Variants in CLASP2 observed in about 807,000 individuals in gnomAD.
CLASP2 encodes the protein CLIP-associating protein 2.
Under a neutral mutation model 194.4 loss-of-function variants are expected in CLASP2, and 47 were observed. The ratio of observed to expected loss-of-function variants is 0.24; its 90% CI spans 0.19 to 0.31. The LOEUF (loss-of-function observed/expected upper bound fraction) is 0.31, where lower values mean the gene tolerates loss of function less well. Ranked by LOEUF, CLASP2 falls within the 10% of genes least tolerant of loss-of-function variation. CLASP2 has a pLI of 1.00. For missense variants in CLASP2, 1,445 were observed against 1,823.6 expected (o/e 0.79, Z 3.78); for synonymous variants, 619 against 633.5 (o/e 0.98, Z 0.34).
chr3:33,556,422 A>C (rs1175034839), intron 29 of CLASP2, among the ~76,000 whole-genome samples: 2 of 151,742 alleles, frequency 1.3e-5, no homozygotes, highest in African/African-American at 4.8e-5. Context: ...AGAGTTGAAA[A>C]GTGATTTTCT....
intron 9 of CLASP2, among the ~76,000 whole-genome samples, chr3:33,630,370 T>C (rs950557398): frequency 1.3e-5 from 2 of 152,132 alleles, no homozygotes; most frequent in South Asian, 4.1e-4. Flanking sequence ...TAGGCAGCAC[T>C]GGAATGTTGT....
chr3:33,715,227 A>G (rs532182885), intron 1 of CLASP2, among the ~76,000 whole-genome samples: 1 of 152,374 alleles, frequency 6.6e-6, no homozygotes, highest in African/African-American at 2.4e-5. Context: ...TTACAAGCAC[A>G]TGCTATCTGA....
chr3:33,515,832 G>A (rs943907435), intron 36 of CLASP2, among the ~76,000 whole-genome samples, 191 bp downstream of exon 36: 3 of 152,034 alleles, frequency 2.0e-5, no homozygotes, highest in Admixed American at 1.3e-4. Context: ...GCCTGTTTTA[G>A]GTGAAAGGTC....
At chr3:33,696,263 T>C (rs1244631317) in intron 2 of CLASP2, among the ~76,000 whole-genome samples, 1 of 150,414 alleles carries the variant, frequency 6.6e-6, no homozygotes, top group Non-Finnish European at 1.5e-5. Context: ...TCCCCATAAA[T>C]AGTCTGAAAC....
chr3:33,665,011 G>C (rs977629398), intron 6 of CLASP2, among the ~76,000 whole-genome samples: 8 of 151,894 alleles, frequency 5.3e-5, no homozygotes, highest in Non-Finnish European at 1.2e-4. Context: ...TGAGGCACAA[G>C]AATCGCTTGA....
chr3:33,687,188 A>C, intron 4 of CLASP2, 53 bp from the exon 5 acceptor site: 1 of 1,116,678 alleles, frequency 9.0e-7, no homozygotes, highest in South Asian at 1.4e-5. Context: ...ATAAACAGTA[A>C]ACAAAATATC....
rs114702141 is a variant in CLASP2, at chr3:33,648,142, G to A, written c.716-3239C>T. ...AAAGAAAAATAAAACAAGTGGATACGATAGAAAATAAAATAGTAAATATAA... is the reference window on the plus strand; with the variant it reads ...AAAGAAAAATAAAACAAGTGGATACAATAGAAAATAAAATAGTAAATATAA... On this transcript the variant is annotated intron_variant, in intron 7 of 38. Coordinates refer to ENST00000682230, the MANE Select transcript of CLASP2 (RefSeq NM_001365631.1). 6.5e-3 allele frequency among the ~76,000 whole-genome samples: 990 copies of A among 152,068 alleles called. 8 individuals are homozygous for A. Among genetic ancestry groups the A allele is most frequent in the African/African-American group, 0.022 (897 of 41,518 alleles).
intron 34 of CLASP2, among the ~76,000 whole-genome samples, chr3:33,528,821 AGAAAGAAAGAGAGG>A (rs2055351504): frequency 6.6e-6 from 1 of 152,026 alleles, no homozygotes; most frequent in Admixed American, 6.6e-5. Context: ...AAAGAAAGAG[AGAAAGAAAGAGAGG>A]TCGATAGACA....
chr3:33,570,861 A>G (rs1388709435), intron 25 of CLASP2, 71 bp from the exon 26 acceptor site: 6 of 1,182,760 alleles, frequency 5.1e-6, no homozygotes, highest in Non-Finnish European at 6.8e-6. Context: ...AACTTTACAT[A>G]TAATTTTCTT....
rs2046054829 is a variant in CLASP2 at position 33,498,368 on chromosome 3, T to C, written c.*263A>G. On this transcript the variant is annotated 3_prime_UTR_variant, in exon 39 of 39. Coordinates refer to ENST00000682230, the MANE Select transcript of CLASP2 (RefSeq NM_001365631.1). ...GACAAAGTACAAACATGTGAAATGA[T>C]GAATTAAATTAAAAATTACTTTGTG... is the stretch of plus-strand genomic sequence containing the variant. The C allele has an allele frequency of 1.6e-5, 5 of 313,444 alleles. No homozygotes were observed. In the East Asian group the frequency reaches 2.6e-4, roughly 16 times the overall value. 19.4% of individuals were successfully genotyped at this position (313,444 alleles called of 1,614,324 possible).
At chr3:33,630,556 C>T (rs779947446) in intron 9 of CLASP2, among the ~76,000 whole-genome samples, 15 of 108,796 alleles carry the variant, frequency 1.4e-4, no homozygotes, top group Admixed American at 2.0e-4. Context: ...CTTTAAAGAG[C>T]GTAAAAAAAA....
At chr3:33,697,729 C>T (rs1179448547) in intron 1 of CLASP2, among the ~76,000 whole-genome samples, 1 of 152,110 alleles carries the variant, frequency 6.6e-6, no homozygotes, top group Non-Finnish European at 1.5e-5. Context: ...CAAGAAAAAG[C>T]CCACTGGGTC....
intron 2 of CLASP2, among the ~76,000 whole-genome samples, chr3:33,694,186 G>A (rs1225940555): frequency 6.6e-6 from 1 of 152,112 alleles, no homozygotes; most frequent in East Asian, 1.9e-4. Flanking sequence ...TTAGAGTGAA[G>A]ACAAAGTACT....
Position 33,616,776 on chromosome 3 carries a change from C to T in CLASP2, c.1317+2827G>A, listed in dbSNP as rs775009743. The stretch of plus-strand genomic sequence containing the variant: ...TTTTTTTGGGACAGTCTTGCTGTGT[C>T]GCCCAGGCTGGAGTGCAGTGGCGTA... On this transcript the variant is annotated intron_variant, in intron 12 of 38. Transcript: ENST00000682230. Among the ~76,000 whole-genome samples the T allele has an allele frequency of 4.9e-5, 6 of 122,960 alleles. No homozygotes were observed. The South Asian group carries it at 8.1e-4, about 17-fold the overall frequency. 80.7% of individuals were successfully genotyped at this position (122,960 alleles called of 152,430 possible). A position where few individuals can be genotyped will look rare whatever the true frequency, so the allele number is the denominator to read the frequency against.
chr3:33,590,895 A>G (rs949875277), intron 21 of CLASP2, among the ~76,000 whole-genome samples: 5 of 152,232 alleles, frequency 3.3e-5, no homozygotes, highest in Non-Finnish European at 4.4e-5. Context: ...AAAATAGCCA[A>G]GTAGGCTGGG....
chr3:33,579,661 A>T (rs897087119), intron 23 of CLASP2, among the ~76,000 whole-genome samples: 1 of 152,170 alleles, frequency 6.6e-6, no homozygotes, highest in African/African-American at 2.4e-5. Flanking sequence ...AGTGCTCATT[A>T]TGTGTCAAGC....
At chr3:33,513,743 T>A (rs569565817) in intron 36 of CLASP2, among the ~76,000 whole-genome samples, 4 of 152,236 alleles carry the variant, frequency 2.6e-5, no homozygotes, top group Non-Finnish European at 4.4e-5. Context: ...TAATGACTAA[T>A]GATGTTGAAC....
At chr3:33,644,608 C>T in intron 8 of CLASP2, 149 bp downstream of exon 8, 1 of 776,134 alleles carries the variant, frequency 1.3e-6, no homozygotes, top group Non-Finnish European at 2.2e-6. Flanking sequence ...TTCAAAAGGG[C>T]ATCGTATTCT....
At chr3:33,714,795 A>G (rs886475126) in intron 1 of CLASP2, among the ~76,000 whole-genome samples, 1 of 152,052 alleles carries the variant, frequency 6.6e-6, no homozygotes, top group Non-Finnish European at 1.5e-5. Context: ...GGCTGGTCTC[A>G]AACTCCTGGC....
Sources: allele counts gnomAD v4.1 joint callset (sites outside exome capture counted in the v4.1 genomes callset), GRCh38; gene constraint gnomAD v4.1.1; transcripts MANE v1.5; gene names NCBI Gene and HGNC (gene_info 2026-07-23, HGNC 2026-07-21).